The following SEC24D variants were observed in gnomAD, a reference collection of about 807,000 sequenced individuals.
SEC24D encodes the protein SEC24 homolog D, COPII component.
A neutral mutation model predicts 116.9 loss-of-function variants in SEC24D; 69 were observed. That is an observed-to-expected ratio of 0.59 (90% CI 0.49 to 0.72). SEC24D has a LOEUF of 0.72. Among genes scored for constraint, SEC24D ranks in the 30% least tolerant of loss-of-function variants. The pLI is 0.00. For missense variants in SEC24D, 1,131 were observed against 1,264.1 expected, an observed-to-expected ratio of 0.89 and a Z score of 1.60; for synonymous variants, 405 against 442.8, an observed-to-expected ratio of 0.91 and a Z score of 1.07.
At chr4:118,723,678 G>A in intron 22 of SEC24D, 23 bp from the exon 23 acceptor site, 1 of 1,591,836 alleles carries the variant, frequency 6.3e-7, no homozygotes, top group East Asian at 2.2e-5. Flanking sequence ...AAACAAAACA[G>A]TAACAGCCCC....
chr4:118,818,727 T>C (rs1349230809), intron 3 of SEC24D, among the ~76,000 whole-genome samples: 1 of 151,030 alleles, frequency 6.6e-6, no homozygotes, highest in Non-Finnish European at 1.5e-5. Context: ...TCTGTAATGA[T>C]ACAGAAAGGC....
intron 8 of SEC24D, among the ~76,000 whole-genome samples, chr4:118,769,444 G>A (rs1451094307): frequency 6.6e-6 from 1 of 152,108 alleles, no homozygotes; most frequent in East Asian, 1.9e-4. Context: ...GCAGGCTTTG[G>A]CATGTCAATT....
intron 3 of SEC24D, 135 bp downstream of exon 3, chr4:118,824,485 T>TA (rs1730516108): frequency 3.3e-6 from 3 of 920,386 alleles, no homozygotes; most frequent in African/African-American, 3.4e-5. Flanking sequence ...GGCAGTTATC[T>TA]AACAGATCCT....
Position 118,815,446 on chromosome 4 carries a change from C to T in SEC24D, c.673+5G>A. 2 of 1,613,862 alleles carry T rather than the reference C, an allele frequency of 1.2e-6. No individual in the cohort carries two copies. The highest frequency in any genetic ancestry group is 1.7e-6 in the Non-Finnish European group (2 of 1,179,892). ...AAGCCTTCCCCTGCACCCTGTCCGC[C>T]TTACCCTGCTGCGGAGGATATCCAG... On this transcript the variant is annotated splice_donor_5th_base_variant and intron_variant, in intron 5 of 22. Coordinates refer to ENST00000280551, the MANE Select transcript of SEC24D (RefSeq NM_014822.4).
chr4:118,812,394 A>G (rs557509609), intron 6 of SEC24D, among the ~76,000 whole-genome samples: 2 of 152,058 alleles, frequency 1.3e-5, no homozygotes, highest in South Asian at 2.1e-4. Context: ...CAAATGTTGC[A>G]TTTTCCAAAA....
rs1725754376 is a variant in SEC24D at position 118,732,733 on chromosome 4, T to C, written c.2676A>G (p.Ile892Met). The change falls in exon 20 of 23, where the codon ATA (isoleucine) becomes ATG (methionine). Residue 892 changes from isoleucine (I) to methionine (M), a missense_variant and splice_region_variant. Ile to Met is a conservative substitution (Grantham distance 10). Transcript: ENST00000280551. ...QLFFYPQLLPIHTLDVKSTML... is the reference protein window; with the variant it reads ...QLFFYPQLLPMHTLDVKSTML... ...AAATGCACCACCCCAGCATGCTTAC[T>C]ATGGGCAGAAGTTGTGGGTAGAAGA... 3 of 1,613,592 alleles carry C rather than the reference T, an allele frequency of 1.9e-6. No homozygotes were observed. The highest frequency in any genetic ancestry group is 2.5e-6 in the Non-Finnish European group (3 of 1,179,724).
intron 8 of SEC24D, among the ~76,000 whole-genome samples, chr4:118,788,057 G>A (rs1325481277): frequency 6.6e-6 from 1 of 152,162 alleles, no homozygotes; most frequent in Non-Finnish European, 1.5e-5. Flanking sequence ...GGCCTCAAGT[G>A]ATTCTCTGAC....
rs1455251047 is a variant in SEC24D, at chr4:118,732,813, G to A, written c.2596C>T (p.Arg866Ter). The A allele has an allele frequency of 6.2e-7, 1 of 1,614,070 alleles. No homozygotes were observed. The highest frequency in any genetic ancestry group is 8.5e-7 in the Non-Finnish European group (1 of 1,179,966). The stretch of plus-strand genomic sequence containing the variant: ...ATGACCAGCTGTCTCTGGTATGCTC[G>A]TTCATCAGTTGAGATCTCTGGTCTG... The part of the protein sequence containing the change: ...LSRPEISTDE[R>*]AYQRQLVMTM... Residue 866 changes from arginine (R) to a stop codon, truncating the protein, a stop_gained, in exon 20 of 23, where the codon CGA (arginine) becomes TGA (stop). Transcript: ENST00000280551. LOFTEE classifies it high-confidence loss of function.
intron 21 of SEC24D, 57 bp from the exon 22 acceptor site, chr4:118,728,707 G>T: frequency 9.8e-7 from 1 of 1,024,466 alleles, no homozygotes; most frequent in Non-Finnish European, 1.5e-6. Context: ...GATAGAAGTA[G>T]CAATATGAGA....
At chr4:118,823,139 T>G (rs1255693321) in intron 3 of SEC24D, among the ~76,000 whole-genome samples, 1 of 152,184 alleles carries the variant, frequency 6.6e-6, no homozygotes, top group Non-Finnish European at 1.5e-5. Context: ...TTTTTGCTCT[T>G]CCTCTCTTGC....
chr4:118,810,110 GTGTGTGTGTGTGTGTGTGTGTGTGTGT>G (rs1560736917), intron 6 of SEC24D, among the ~76,000 whole-genome samples: 2 of 148,860 alleles, frequency 1.3e-5, no homozygotes, highest in African/African-American at 2.5e-5. Context: ...GTGTGTGTGT[GTGTGTGTGTGTGTGTGTGTGTGTGTGT>G]CAGAGGGTAT....
At position 118,732,668 on chromosome 4, in the gene SEC24D, G is replaced by A. The variant is rs1166471302; in HGVS notation, c.2676+65C>T. 8 of 1,474,568 alleles carry A rather than the reference G, an allele frequency of 5.4e-6. No individual in the cohort carries two copies. In the East Asian group the frequency reaches 6.9e-5, roughly 13 times the overall value. The allele number at this position is 1,474,568 out of a possible 1,614,324, so 91.3% of individuals were successfully genotyped here. A position where few individuals can be genotyped will look rare whatever the true frequency, so the allele number is the denominator to read the frequency against. Reference sequence around the variant, plus strand: ...CAACATATTTCAGATATAACATACGGGAAAGCACAAAATATGATTCCCTTC... The same window carrying A: ...CAACATATTTCAGATATAACATACGAGAAAGCACAAAATATGATTCCCTTC... On this transcript the variant is annotated intron_variant, in intron 20 of 22. Coordinates refer to ENST00000280551, the MANE Select transcript of SEC24D (RefSeq NM_014822.4).
At chr4:118,785,119 A>G (rs1234873124) in intron 8 of SEC24D, among the ~76,000 whole-genome samples, 2 of 152,140 alleles carry the variant, frequency 1.3e-5, no homozygotes, top group Non-Finnish European at 2.9e-5. Flanking sequence ...TGGCATTTAA[A>G]TTGTCAATTA....
chr4:118,744,912 G>T, intron 14 of SEC24D, 32 bp downstream of exon 14: 1 of 1,169,106 alleles, frequency 8.6e-7, no homozygotes, highest in Non-Finnish European at 1.3e-6. Flanking sequence ...CTTAATAATT[G>T]ACATATGGAT....
intron 18 of SEC24D, among the ~76,000 whole-genome samples, chr4:118,738,647 A>G (rs894320392): frequency 1.3e-4 from 20 of 152,334 alleles, no homozygotes; most frequent in Middle Eastern, 3.4e-3. Flanking sequence ...ACAGAAAAAA[A>G]GACAGGCCAA....
intron 11 of SEC24D, 87 bp from the exon 12 acceptor site, chr4:118,752,975 CTA>C (rs1344768538): frequency 1.1e-6 from 1 of 914,962 alleles, no homozygotes; most frequent in African/African-American, 1.7e-5. Context: ...AGTGTGTCTT[CTA>C]TAAAATACAT....
intron 19 of SEC24D, among the ~76,000 whole-genome samples, chr4:118,735,506 G>C (rs544825792): frequency 6.6e-6 from 1 of 152,040 alleles, no homozygotes; most frequent in South Asian, 2.1e-4. Context: ...GTGGTAATGA[G>C]GTTTTTTTTG....
At chr4:118,828,253 C>G (rs566895353) in intron 2 of SEC24D, among the ~76,000 whole-genome samples, 4 of 152,018 alleles carry the variant, frequency 2.6e-5, no homozygotes, top group Non-Finnish European at 5.9e-5. Context: ...GGACCACAGG[C>G]GCCTGCCACT....
chr4:118,812,035 C>T (rs981333539), intron 6 of SEC24D, among the ~76,000 whole-genome samples: 4 of 152,100 alleles, frequency 2.6e-5, no homozygotes, highest in South Asian at 2.1e-4. Context: ...GCAGAAGTAG[C>T]GATGTGCCAG....
Sources: gnomAD v4.1 joint callset for allele counts (sites outside exome capture counted in the v4.1 genomes callset) on GRCh38, gnomAD v4.1.1 for gene constraint, MANE v1.5 for transcripts, NCBI Gene and HGNC (gene_info 2026-07-23, HGNC 2026-07-21) for gene names.